The following PCDHGA5 variants were observed in gnomAD, a reference collection of about 807,000 sequenced individuals.
PCDHGA5 encodes the protein protocadherin gamma-A5.
PCDHGA5 carries 36 observed loss-of-function variants against 56.7 expected under a neutral mutation model. That is an observed-to-expected ratio of 0.64 (90% CI 0.49 to 0.84). PCDHGA5 has a LOEUF of 0.84. PCDHGA5 is among the 40% of genes least tolerant of loss of function. The probability of loss-of-function intolerance (pLI) is 0.00; values close to 1 mark genes in which losing one functional copy is unlikely to be tolerated. For missense variants in PCDHGA5, 1,305 were observed against 1,201.5 expected (o/e 1.09, Z -1.27); for synonymous variants, 563 against 520.2 (o/e 1.08, Z -1.12).
intron 1 of PCDHGA5, chr5:141,408,686 A>G (rs2095150873): frequency 6.2e-7 from 1 of 1,613,848 alleles, no homozygotes; most frequent in Non-Finnish European, 8.5e-7. Flanking sequence ...GGATCCTGAT[A>G]TAAACATAAA....
intron 1 of PCDHGA5, chr5:141,376,739 T>C (rs1773315413): frequency 8.0e-6 from 4 of 502,200 alleles, no homozygotes; most frequent in Non-Finnish European, 1.4e-5. Flanking sequence ...GACTGCGGAC[T>C]GCAGTGGCGC....
chr5:141,392,881 T>C, intron 1 of PCDHGA5: 6 of 1,613,564 alleles, frequency 3.7e-6, no homozygotes, highest in Non-Finnish European at 5.1e-6. Context: ...CTGGGAACGC[T>C]GTGGGAAATC....
chr5:141,403,532 C>T (rs1313886103), intron 1 of PCDHGA5: 2 of 1,613,892 alleles, frequency 1.2e-6, no homozygotes, highest in African/African-American at 2.7e-5. Context: ...AAACCCAGAG[C>T]TGGTGCTGGA....
chr5:141,477,551 C>A lies in PCDHGA5; in HGVS notation c.2422-17256C>A. The A allele has an allele frequency of 6.2e-7, 1 of 1,614,178 alleles. No homozygotes were observed. The highest frequency in any genetic ancestry group is 1.3e-5 in the African/African-American group (1 of 75,032). ...CCTCCCCGGGGCTCCAATACTAAAC[C>A]TAAGTGTCTGGGACCCCGACGCCCC... is the stretch of plus-strand genomic sequence containing the variant. On this transcript the variant is annotated intron_variant, in intron 1 of 3. Transcript: ENST00000518069. The surrounding 1 kb of genome is among the most constrained non-coding windows in gnomAD (Gnocchi z 4.9).
chr5:141,407,873 A>T (rs561323423), intron 1 of PCDHGA5: 1 of 354,686 alleles, frequency 2.8e-6, no homozygotes, highest in Non-Finnish European at 5.1e-6. Flanking sequence ...CGAAGAATAT[A>T]TACATTTCGG....
Position 141,431,953 on chromosome 5 carries a change from C to G in PCDHGA5, c.2422-62854C>G. 1.2e-6 allele frequency: 2 copies of G among 1,614,082 alleles called. No individual in the cohort carries two copies. Among genetic ancestry groups the G allele is most frequent in the East Asian group, 4.5e-5 (2 of 44,886 alleles). ...TGCCCTTTAAATTAGAAAAATCTTA[C>G]GGAAATTACTATAGTTTAGTCACAG... On this transcript the variant is annotated intron_variant, in intron 1 of 3. Transcript: ENST00000518069. The surrounding 1 kb of genome is among the most constrained non-coding windows in gnomAD (Gnocchi z 4.8).
intron 1 of PCDHGA5, chr5:141,403,168 G>A: frequency 1.2e-6 from 2 of 1,614,032 alleles, no homozygotes; most frequent in African/African-American, 1.3e-5. Context: ...GAGGTAGGAC[G>A]CAGCTTTTCT....
intron 1 of PCDHGA5, chr5:141,415,493 T>C (rs1312874620): frequency 6.2e-7 from 1 of 1,614,108 alleles, no homozygotes; most frequent in Non-Finnish European, 8.5e-7. Context: ...AGTCACCTGA[T>C]CTTCCCCCAG....
chr5:141,372,277 C>T (rs753032334), intron 1 of PCDHGA5: 2 of 1,613,112 alleles, frequency 1.2e-6, no homozygotes, highest in Non-Finnish European at 1.7e-6. Context: ...GAGGTGCGCA[C>T]GGCGCGTACC....
intron 1 of PCDHGA5, among the ~76,000 whole-genome samples, chr5:141,462,218 C>T (rs2099034952): frequency 6.6e-6 from 1 of 152,180 alleles, no homozygotes; most frequent in African/African-American, 2.4e-5. Context: ...CCTCGGCCTC[C>T]CAAAGTGCAG....
intron 1 of PCDHGA5, among the ~76,000 whole-genome samples, chr5:141,386,717 A>G (rs2090680763): frequency 6.6e-6 from 1 of 152,214 alleles, no homozygotes; most frequent in South Asian, 2.1e-4. Flanking sequence ...TGCTGACACC[A>G]ACAATGTTAC....
At chr5:141,470,388 T>C (rs1234907080) in intron 1 of PCDHGA5, among the ~76,000 whole-genome samples, 4 of 152,198 alleles carry the variant, frequency 2.6e-5, no homozygotes, top group African/African-American at 9.6e-5. Flanking sequence ...TACTCGATGA[T>C]ATTTAGGATT....
intron 1 of PCDHGA5, chr5:141,412,306 A>G (rs1160364599): frequency 1.3e-5 from 2 of 152,238 alleles, no homozygotes; most frequent in Non-Finnish European, 2.9e-5. Flanking sequence ...TCTCATTACA[A>G]TGCAAACAGT....
intron 1 of PCDHGA5, among the ~76,000 whole-genome samples, chr5:141,429,564 C>A (rs995466828): frequency 2.0e-5 from 3 of 152,092 alleles, no homozygotes; most frequent in African/African-American, 7.2e-5. Flanking sequence ...TGATAATATT[C>A]AGTTACATTT....
At chr5:141,385,316 G>T in intron 1 of PCDHGA5, 2 of 1,610,350 alleles carry the variant, frequency 1.2e-6, no homozygotes, top group Non-Finnish European at 1.7e-6. Flanking sequence ...AACCTGCCAA[G>T]TATTCAGGTG....
chr5:141,422,543 T>C lies in PCDHGA5; in HGVS notation c.2421+55792T>C, dbSNP rs2096655736. 1 of 1,613,882 alleles carries C rather than the reference T, an allele frequency of 6.2e-7. No homozygotes were observed. Among genetic ancestry groups the C allele is most frequent in the African/African-American group, 1.3e-5 (1 of 74,928 alleles). Reference sequence around the variant, plus strand: ...CCGCCTTTGTCTGCAGAAACTCATGTCTGGCTGAATGTGGCAGATGACAAC... The same window carrying C: ...CCGCCTTTGTCTGCAGAAACTCATGCCTGGCTGAATGTGGCAGATGACAAC... On this transcript the variant is annotated intron_variant, in intron 1 of 3. Coordinates refer to ENST00000518069, the MANE Select transcript of PCDHGA5 (RefSeq NM_018918.3).
At chr5:141,374,085 TG>T (rs1282444417) in intron 1 of PCDHGA5, 2 of 1,528,732 alleles carry the variant, frequency 1.3e-6, no homozygotes, top group Non-Finnish European at 1.8e-6. Flanking sequence ...AAGCCAGTAA[TG>T]GCGCCTCCGC....
intron 1 of PCDHGA5, chr5:141,399,534 A>G (rs772655467): frequency 3.7e-6 from 6 of 1,614,030 alleles, no homozygotes; most frequent in Middle Eastern, 1.6e-4. Flanking sequence ...CCATCGCGCA[A>G]GTCTGCGCCT....
intron 2 of PCDHGA5, among the ~76,000 whole-genome samples, chr5:141,498,352 CA>C: frequency 6.6e-6 from 1 of 151,890 alleles, no homozygotes; most frequent in African/African-American, 2.4e-5. Flanking sequence ...AAAGCCTATG[CA>C]AAAGCCTTGT....
Sources: gnomAD v4.1 joint callset for allele counts (sites outside exome capture counted in the v4.1 genomes callset) on GRCh38, gnomAD v4.1.1 for gene constraint, Gnocchi (gnomAD v3.1) non-coding constraint, MANE v1.5 for transcripts, NCBI Gene and HGNC (gene_info 2026-07-23, HGNC 2026-07-21) for gene names.